The following CTNNA3 variants were observed in gnomAD, a reference collection of about 807,000 sequenced individuals.
CTNNA3 encodes the protein catenin alpha-3.
CTNNA3 carries 76 observed loss-of-function variants against 95.7 expected under a neutral mutation model. The ratio of observed to expected loss-of-function variants is 0.79; its 90% CI spans 0.66 to 0.96. CTNNA3 has a LOEUF of 0.96. CTNNA3 is among the 40% of genes least tolerant of loss of function. CTNNA3 has a pLI of 0.00. For missense variants in CTNNA3, 1,191 were observed against 1,089.8 expected, an observed-to-expected ratio of 1.09 and a Z score of -1.31; for synonymous variants, 431 against 374.4, an observed-to-expected ratio of 1.15 and a Z score of -1.74.
intron 7 of CTNNA3, among the ~76,000 whole-genome samples, chr10:66,889,556 A>G (rs981368001): frequency 6.6e-6 from 1 of 152,170 alleles, no homozygotes; most frequent in Non-Finnish European, 1.5e-5. Context: ...TTAAAAAAAG[A>G]AAAAAAGATG....
At chr10:67,227,299 C>G (rs1864972987) in intron 5 of CTNNA3, among the ~76,000 whole-genome samples, 1 of 152,106 alleles carries the variant, frequency 6.6e-6, no homozygotes, top group Non-Finnish European at 1.5e-5. Context: ...CCATGTTGGT[C>G]AGGTTGGTCT....
At chr10:67,255,655 T>G (rs1866320027) in intron 5 of CTNNA3, among the ~76,000 whole-genome samples, 1 of 152,218 alleles carries the variant, frequency 6.6e-6, no homozygotes, top group Admixed American at 6.5e-5. Context: ...AAAACACTGA[T>G]AAGCAGTGAA....
intron 11 of CTNNA3, among the ~76,000 whole-genome samples, chr10:66,512,551 T>A (rs903886945): frequency 3.3e-5 from 5 of 152,126 alleles, no homozygotes; most frequent in Non-Finnish European, 4.4e-5. Context: ...GTGAATTGTA[T>A]ACTTTCATGT....
chr10:66,395,058 T>C (rs1246282045), intron 11 of CTNNA3, among the ~76,000 whole-genome samples: 1 of 152,006 alleles, frequency 6.6e-6, no homozygotes, highest in Non-Finnish European at 1.5e-5. Context: ...AGCTCAATTA[T>C]CTTTACTACC....
In CTNNA3 at chr10:67,072,499, C is replaced by T. The variant is rs1856520521; in HGVS notation, c.1047+107818G>A. On this transcript the variant is annotated intron_variant, in intron 7 of 17. Transcript: ENST00000433211. ...AGAACTACAGAATTCCAAACGATAT[C>T]TTCCACCAGAGCAGGTTTCTCACTT... Among the ~76,000 whole-genome samples the T allele has an allele frequency of 2.6e-5, 4 of 152,290 alleles. No individual in the cohort carries two copies. In the South Asian group the frequency reaches 8.3e-4, roughly 32 times the overall value.
chr10:67,038,363 A>G (rs2133135523), intron 7 of CTNNA3, among the ~76,000 whole-genome samples: 1 of 152,214 alleles, frequency 6.6e-6, no homozygotes, highest in East Asian at 1.9e-4. Flanking sequence ...CTATATGTCA[A>G]TTAATATCAT....
Position 66,337,244 on chromosome 10 carries a change from C to T in CTNNA3, c.1732+41908G>A, listed in dbSNP as rs994550185. ...AATATCAATAAATTTAATCTGCATACGAAGGCTTTTTGTAGTCTTCAATAA... is the reference window on the plus strand; with the variant it reads ...AATATCAATAAATTTAATCTGCATATGAAGGCTTTTTGTAGTCTTCAATAA... On this transcript the variant is annotated intron_variant, in intron 12 of 17. Transcript: ENST00000433211. 5.9e-5 allele frequency among the ~76,000 whole-genome samples: 9 copies of T among 152,104 alleles called. No homozygotes were observed. In the South Asian group the frequency reaches 8.3e-4, roughly 14 times the overall value.
At chr10:66,293,410 A>T (rs1224313004) in intron 12 of CTNNA3, among the ~76,000 whole-genome samples, 4 of 148,928 alleles carry the variant, frequency 2.7e-5, no homozygotes, top group Non-Finnish European at 5.9e-5. Context: ...TGAGATTGTA[A>T]TATCTATCAA....
At chr10:66,014,119 TA>T (rs779994062) in intron 15 of CTNNA3, among the ~76,000 whole-genome samples, 28 of 149,998 alleles carry the variant, frequency 1.9e-4, no homozygotes, top group Non-Finnish European at 2.8e-4. Flanking sequence ...TTTTTTTTTT[TA>T]TTTTTATCAT....
intron 7 of CTNNA3, among the ~76,000 whole-genome samples, chr10:67,100,833 G>A (rs1241693531): frequency 6.6e-6 from 1 of 151,544 alleles, no homozygotes. Flanking sequence ...AAAACACAGG[G>A]CCAATAATTG....
chr10:66,433,305 C>A (rs916918293), intron 11 of CTNNA3, among the ~76,000 whole-genome samples: 1 of 152,152 alleles, frequency 6.6e-6, no homozygotes. Flanking sequence ...TCCTTTCCAC[C>A]GTCTGTTGTT....
At chr10:66,466,463 C>T in intron 11 of CTNNA3, among the ~76,000 whole-genome samples, 1 of 151,726 alleles carries the variant, frequency 6.6e-6, no homozygotes. Context: ...ATTGAAAATC[C>T]ATAACGTGAC....
At chr10:67,198,597 T>C (rs1036905163) in intron 6 of CTNNA3, among the ~76,000 whole-genome samples, 15 of 152,202 alleles carry the variant, frequency 9.9e-5, no homozygotes, top group Non-Finnish European at 1.5e-5. Context: ...TTTCACAGTT[T>C]AATTCATTCT....
chr10:67,061,979 C>T lies in CTNNA3; in HGVS notation c.1047+118338G>A, dbSNP rs577720944. Among the ~76,000 whole-genome samples the T allele has an allele frequency of 9.3e-4, 142 of 152,184 alleles. 1 individual carries two copies. Among genetic ancestry groups the T allele is most frequent in the African/African-American group, 3.2e-3 (132 of 41,540 alleles). On this transcript the variant is annotated intron_variant, in intron 7 of 17. Coordinates refer to ENST00000433211, the MANE Select transcript of CTNNA3 (RefSeq NM_013266.4). ...AAAAATCAATCTTAGGAAATAGCCACCCACACATTTTTCAACCTACTTCCC... is the reference window on the plus strand; with the variant it reads ...AAAAATCAATCTTAGGAAATAGCCATCCACACATTTTTCAACCTACTTCCC...
chr10:66,994,987 T>TC (rs912530795), intron 7 of CTNNA3, among the ~76,000 whole-genome samples: 3 of 152,138 alleles, frequency 2.0e-5, no homozygotes, highest in Non-Finnish European at 4.4e-5. Flanking sequence ...TCCTGCTACT[T>TC]CTGTCCTGGT....
intron 6 of CTNNA3, among the ~76,000 whole-genome samples, chr10:67,207,807 T>C (rs1334812656): frequency 6.6e-6 from 1 of 152,136 alleles, no homozygotes; most frequent in African/African-American, 2.4e-5. Flanking sequence ...GATTAATGGT[T>C]TGGAACATTT....
chr10:67,117,542 A>G (rs573111630), intron 7 of CTNNA3, among the ~76,000 whole-genome samples: 6 of 152,234 alleles, frequency 3.9e-5, no homozygotes, highest in Admixed American at 2.0e-4. Context: ...AAGAAAAACA[A>G]TGAAAAGAAG....
At chr10:66,529,435 CAG>C (rs1841381986) in intron 10 of CTNNA3, among the ~76,000 whole-genome samples, 1 of 118,182 alleles carries the variant, frequency 8.5e-6, no homozygotes, top group Non-Finnish European at 1.8e-5. Flanking sequence ...CCCAGCCAAA[CAG>C]TGTTTTTTTT....
chr10:66,232,072 C>G (rs1979363), intron 13 of CTNNA3, among the ~76,000 whole-genome samples: 54,857 of 151,978 alleles, frequency 0.36, 10,260 homozygotes, highest in East Asian at 0.46. Context: ...TAATTACATA[C>G]AGTTGAGGTT....
Sources: gnomAD v4.1 joint callset for allele counts (sites outside exome capture counted in the v4.1 genomes callset) on GRCh38, gnomAD v4.1.1 for gene constraint, MANE v1.5 for transcripts, NCBI Gene and HGNC (gene_info 2026-07-23, HGNC 2026-07-21) for gene names.